Variants in MGAT4C observed in about 807,000 individuals in gnomAD.
The protein encoded by MGAT4C is alpha-1,3-mannosyl-glycoprotein 4-beta-N-acetylglucosaminyltransferase C.
A neutral mutation model predicts 40.1 loss-of-function variants in MGAT4C; 19 were observed. The ratio of observed to expected loss-of-function variants is 0.47; its 90% confidence interval spans 0.33 to 0.70. The LOEUF is 0.70. Ranked by LOEUF, MGAT4C falls within the 30% of genes least tolerant of loss-of-function variation. The probability of loss-of-function intolerance (pLI) is 0.02; values close to 1 mark genes in which losing one functional copy is unlikely to be tolerated. For missense variants in MGAT4C, 491 were observed against 563.2 expected, an observed-to-expected ratio of 0.87 and a Z score of 1.30; for synonymous variants, 181 against 187.1, an observed-to-expected ratio of 0.97 and a Z score of 0.27.
intron 2 of MGAT4C, among the ~76,000 whole-genome samples, chr12:86,013,921 A>G (rs573572515): frequency 6.6e-6 from 1 of 152,126 alleles, no homozygotes; most frequent in Non-Finnish European, 1.5e-5. Flanking sequence ...TTAGAGCTTC[A>G]GCTAGGACTC....
At chr12:86,832,061 A>G (rs537052631) in intron 1 of MGAT4C, among the ~76,000 whole-genome samples, 1 of 151,972 alleles carries the variant, frequency 6.6e-6, no homozygotes, top group African/African-American at 2.4e-5. Flanking sequence ...AAATTTGGCA[A>G]TAAAATATAA....
intron 1 of MGAT4C, among the ~76,000 whole-genome samples, chr12:86,238,746 A>C (rs1951654651): frequency 6.6e-6 from 1 of 152,050 alleles, no homozygotes; most frequent in South Asian, 2.1e-4. Context: ...GATGTGATTT[A>C]ATGAAAAGGC....
intron 2 of MGAT4C, among the ~76,000 whole-genome samples, chr12:86,561,891 C>G (rs1035043789): frequency 6.6e-6 from 1 of 152,144 alleles, no homozygotes; most frequent in Non-Finnish European, 1.5e-5. Flanking sequence ...CTTTATCTTA[C>G]TAGACTCCAA....
chr12:86,204,400 A>C lies in MGAT4C; in HGVS notation c.-57+51839T>G, dbSNP rs544401485. Among the ~76,000 whole-genome samples, 28 of 152,264 alleles carry C rather than the reference A, an allele frequency of 1.8e-4. 1 individual carries two copies. The highest frequency in any genetic ancestry group is 4.3e-4 in the African/African-American group (18 of 41,570). ...AAAGCAAAGTAGAATTAAGATAAAAATAACTGCTGCAAAGAAGCTTATAGA... is the reference window on the plus strand; with the variant it reads ...AAAGCAAAGTAGAATTAAGATAAAACTAACTGCTGCAAAGAAGCTTATAGA... On this transcript the variant is annotated intron_variant, in intron 1 of 4. Coordinates refer to ENST00000611864, the MANE Select transcript of MGAT4C (RefSeq NM_001351288.2).
intron 4 of MGAT4C, among the ~76,000 whole-genome samples, chr12:86,332,285 T>G (rs1954686578): frequency 6.6e-6 from 1 of 152,188 alleles, no homozygotes; most frequent in African/African-American, 2.4e-5. Flanking sequence ...TTTATTGGCT[T>G]AATTTTGCAC....
chr12:86,382,477 T>C (rs894375333), intron 3 of MGAT4C, among the ~76,000 whole-genome samples: 10 of 152,100 alleles, frequency 6.6e-5, no homozygotes, highest in Admixed American at 2.6e-4. Flanking sequence ...GACAATGCAA[T>C]AGAAAAGAAA....
At chr12:86,549,280 A>G (rs1228971275) in intron 2 of MGAT4C, among the ~76,000 whole-genome samples, 1 of 152,104 alleles carries the variant, frequency 6.6e-6, no homozygotes, top group African/African-American at 2.4e-5. Context: ...AAATAAATAA[A>G]TACAAGAAAT....
Position 86,753,199 on chromosome 12 carries a change from G to A in MGAT4C, c.-261-25958C>T, listed in dbSNP as rs576343367. Among the ~76,000 whole-genome samples the A allele has an allele frequency of 7.2e-5, 11 of 152,138 alleles. No individual in the cohort carries two copies. The South Asian group carries it at 1.2e-3, about 17-fold the overall frequency. ...GTAACATGTCCATAATGGCCATAAC[G>A]CCCAAGCTGGAAGGTTGTGGGTTTA... On this transcript the variant is annotated intron_variant, in intron 1 of 7. Transcript: ENST00000548651.
intron 2 of MGAT4C, among the ~76,000 whole-genome samples, chr12:85,998,701 T>C (rs1886936009): frequency 6.6e-6 from 1 of 152,150 alleles, no homozygotes. Flanking sequence ...GTTCTTCTTC[T>C]CCATCTGAGA....
At chr12:86,282,118 G>T (rs1953233505) in intron 4 of MGAT4C, among the ~76,000 whole-genome samples, 1 of 151,996 alleles carries the variant, frequency 6.6e-6, no homozygotes, top group Admixed American at 6.6e-5. Context: ...CCAGACTAGT[G>T]TTTTCTTTCA....
At chr12:86,580,799 A>G (rs1446080124) in intron 2 of MGAT4C, among the ~76,000 whole-genome samples, 4 of 151,480 alleles carry the variant, frequency 2.6e-5, no homozygotes, top group African/African-American at 9.7e-5. Flanking sequence ...ATAAACATAC[A>G]TGAAGGTAAA....
At chr12:86,661,256 T>TA (rs922614339) in intron 2 of MGAT4C, among the ~76,000 whole-genome samples, 5 of 151,898 alleles carry the variant, frequency 3.3e-5, no homozygotes, top group African/African-American at 7.2e-5. Context: ...GATTAGATTT[T>TA]AAAAAATCAC....
At chr12:86,742,506 A>G (rs1257034306) in intron 1 of MGAT4C, among the ~76,000 whole-genome samples, 2 of 151,500 alleles carry the variant, frequency 1.3e-5, no homozygotes, top group African/African-American at 2.4e-5. Flanking sequence ...CTCCATGAGT[A>G]TGACATGCCT....
chr12:86,737,928 CTTTTACT>C (rs1951011745), intron 1 of MGAT4C, among the ~76,000 whole-genome samples: 1 of 151,488 alleles, frequency 6.6e-6, no homozygotes, highest in Non-Finnish European at 1.5e-5. Context: ...TCTGCTTTTT[CTTTTACT>C]TTTTAGTCTA....
intron 1 of MGAT4C, among the ~76,000 whole-genome samples, chr12:86,735,577 G>GTGAACA (rs1447503567): frequency 4.6e-5 from 7 of 151,880 alleles, no homozygotes; most frequent in African/African-American, 1.7e-4. Flanking sequence ...GGAAGTATTT[G>GTGAACA]TGAACATGGA....
intron 1 of MGAT4C, among the ~76,000 whole-genome samples, chr12:86,139,865 A>C (rs1449865769): frequency 6.6e-6 from 1 of 152,198 alleles, no homozygotes; most frequent in Non-Finnish European, 1.5e-5. Context: ...CTGCATTTGC[A>C]TTAAGAGTCA....
intron 2 of MGAT4C, among the ~76,000 whole-genome samples, chr12:86,606,618 C>T (rs560825357): frequency 7.6e-4 from 116 of 152,234 alleles, no homozygotes; most frequent in African/African-American, 2.7e-3. Context: ...TGTTAACTCA[C>T]TCAGAAAACA....
intron 2 of MGAT4C, among the ~76,000 whole-genome samples, chr12:86,445,378 A>T (rs1255149733): frequency 6.6e-6 from 1 of 152,210 alleles, no homozygotes; most frequent in East Asian, 1.9e-4. Context: ...TTCATTCACC[A>T]TATTTAGCAA....
chr12:86,822,341 A>G (rs1320832879), intron 1 of MGAT4C, among the ~76,000 whole-genome samples: 1 of 151,170 alleles, frequency 6.6e-6, no homozygotes, highest in African/African-American at 2.4e-5. Context: ...GCAGTAGGAA[A>G]TCTTCCCTTA....
Sources: allele counts gnomAD v4.1 joint callset (sites outside exome capture counted in the v4.1 genomes callset), GRCh38; gene constraint gnomAD v4.1.1; transcripts MANE v1.5; gene names NCBI Gene and HGNC (gene_info 2026-07-23, HGNC 2026-07-21).